CMSS1: variants seen among roughly 807,000 people sequenced by gnomAD.
The protein encoded by CMSS1 is protein CMSS1.
In CMSS1, 33 loss-of-function variants were observed where a neutral mutation model predicts 43.5. That is an observed-to-expected ratio of 0.76 (90% CI 0.57 to 1.01). The LOEUF (loss-of-function observed/expected upper bound fraction) is 1.01. CMSS1 is among the 50% of genes least tolerant of loss of function. The pLI is 0.00. For missense variants in CMSS1, 313 were observed against 326.4 expected, an observed-to-expected ratio of 0.96 and a Z score of 0.32; for synonymous variants, 115 against 117.2, an observed-to-expected ratio of 0.98 and a Z score of 0.12.
At chr3:100,038,699 C>A (rs1043604066) in intron 1 of CMSS1, among the ~76,000 whole-genome samples, 4 of 152,110 alleles carry the variant, frequency 2.6e-5, no homozygotes, top group Non-Finnish European at 4.4e-5. Context: ...CGATCTCAGT[C>A]CATGTCCTAC....
intron 1 of CMSS1, chr3:100,039,882 T>C (rs931423282): frequency 1.3e-5 from 2 of 151,836 alleles, no homozygotes; most frequent in Non-Finnish European, 2.9e-5. Flanking sequence ...GCCTCCCGAG[T>C]AGCTGGGACT....
chr3:99,989,307 G>C (rs1453686159), intron 1 of CMSS1, among the ~76,000 whole-genome samples: 1 of 152,216 alleles, frequency 6.6e-6, no homozygotes, highest in African/African-American at 2.4e-5. Context: ...TTGACTGCAT[G>C]TCTAGGATTC....
rs1317986233 is a variant in CMSS1, at chr3:99,957,454, A to G, written c.64+139411A>G. Among the ~76,000 whole-genome samples, 5 of 151,384 alleles carry G rather than the reference A, an allele frequency of 3.3e-5. No homozygotes were observed. In the East Asian group the frequency reaches 5.8e-4, roughly 18 times the overall value. ...ATTATGTATCTACACATATGTGTGT[A>G]TATATATATAGAGAGAGAGACATGA... On this transcript the variant is annotated intron_variant, in intron 1 of 9. Coordinates refer to ENST00000421999, the MANE Select transcript of CMSS1 (RefSeq NM_032359.4).
intron 1 of CMSS1, among the ~76,000 whole-genome samples, chr3:99,957,236 G>A (rs981449242): frequency 1.3e-5 from 2 of 152,336 alleles, no homozygotes; most frequent in Admixed American, 1.3e-4. Flanking sequence ...ATAAAGCATG[G>A]AAAGTAGTAA....
At chr3:99,936,173 A>G (rs746357173) in intron 1 of CMSS1, among the ~76,000 whole-genome samples, 1 of 152,116 alleles carries the variant, frequency 6.6e-6, no homozygotes, top group Non-Finnish European at 1.5e-5. Flanking sequence ...GCCTCAAAAA[A>G]GAAATCATTT....
At chr3:99,898,222 A>G (rs1338991502) in intron 1 of CMSS1, 1 of 152,200 alleles carries the variant, frequency 6.6e-6, no homozygotes, top group African/African-American at 2.4e-5. Flanking sequence ...AAAAAAGTAT[A>G]TCTTTATATT....
intron 1 of CMSS1, among the ~76,000 whole-genome samples, chr3:100,017,076 A>G (rs1213718568): frequency 6.6e-6 from 1 of 152,226 alleles, no homozygotes; most frequent in African/African-American, 2.4e-5. Flanking sequence ...CTTCATAAAG[A>G]CTTCTATAGC....
intron 1 of CMSS1, among the ~76,000 whole-genome samples, chr3:100,036,269 C>T (rs1433328263): frequency 1.3e-5 from 2 of 152,110 alleles, no homozygotes; most frequent in African/African-American, 4.8e-5. Flanking sequence ...CTAAGAGGAA[C>T]AAAGCCTTCT....
At chr3:99,892,992 T>A (rs1186859451) in intron 1 of CMSS1, among the ~76,000 whole-genome samples, 1 of 152,116 alleles carries the variant, frequency 6.6e-6, no homozygotes, top group Non-Finnish European at 1.5e-5. Context: ...GAATTAGAAG[T>A]GATCAGGACA....
At chr3:100,112,192 A>T (rs75888006) in intron 1 of CMSS1, among the ~76,000 whole-genome samples, 72 of 152,340 alleles carry the variant, frequency 4.7e-4, no homozygotes, top group Non-Finnish European at 9.0e-4. Context: ...AAAAGCTACT[A>T]GCACTTTTTC....
At chr3:100,106,032 T>C (rs746473022) in intron 1 of CMSS1, among the ~76,000 whole-genome samples, 5 of 152,094 alleles carry the variant, frequency 3.3e-5, no homozygotes, top group African/African-American at 1.2e-4. Flanking sequence ...GACAGACAGA[T>C]TATACCTCCT....
At chr3:99,859,511 G>T (rs1025599111) in intron 1 of CMSS1, among the ~76,000 whole-genome samples, 10 of 152,062 alleles carry the variant, frequency 6.6e-5, no homozygotes, top group African/African-American at 2.4e-4. Flanking sequence ...TTTTCTTCCT[G>T]ATTTAATATG....
At chr3:99,901,213 A>C (rs1706425006) in intron 1 of CMSS1, among the ~76,000 whole-genome samples, 1 of 152,238 alleles carries the variant, frequency 6.6e-6, no homozygotes, top group Non-Finnish European at 1.5e-5. Context: ...AGAAAAACAA[A>C]ATGGCTACAC....
At chr3:99,893,163 T>C (rs1706140613) in intron 1 of CMSS1, among the ~76,000 whole-genome samples, 1 of 79,146 alleles carries the variant, frequency 1.3e-5, no homozygotes, top group South Asian at 4.6e-4. Context: ...GCATCTAGAC[T>C]TTTTTTTTTT....
chr3:100,172,139 T>A, intron 7 of CMSS1, 177 bp from the exon 8 acceptor site: 1 of 652,392 alleles, frequency 1.5e-6, no homozygotes, highest in Non-Finnish European at 2.6e-6. Flanking sequence ...TTTGATTCCT[T>A]GAAGATTACC....
chr3:99,911,450 G>T (rs1403986093), intron 1 of CMSS1, among the ~76,000 whole-genome samples: 1 of 151,958 alleles, frequency 6.6e-6, no homozygotes, highest in East Asian at 1.9e-4. Context: ...CAACTTGCCA[G>T]TGGTGGGTTG....
chr3:100,013,560 T>C (rs980628802), intron 1 of CMSS1, among the ~76,000 whole-genome samples: 6 of 152,166 alleles, frequency 3.9e-5, no homozygotes, highest in African/African-American at 1.4e-4. Flanking sequence ...TGAGTTTTAT[T>C]AGATAAAAAG....
intron 1 of CMSS1, among the ~76,000 whole-genome samples, chr3:100,119,067 A>G (rs1271860772): frequency 6.6e-6 from 1 of 152,080 alleles, no homozygotes; most frequent in African/African-American, 2.4e-5. Context: ...TCTTAGTTCT[A>G]TTTTAGTACT....
intron 1 of CMSS1, among the ~76,000 whole-genome samples, chr3:100,115,557 T>TTCTCTCTCTCTCTCTCTCTC (rs1444990340): frequency 2.7e-5 from 2 of 75,256 alleles, no homozygotes; most frequent in South Asian, 4.0e-4. Context: ...CTCTTTCTCT[T>TTCTCTCTCTCTCTCTCTCTC]TCTCTCTCTC....
Sources: gnomAD v4.1 joint callset for allele counts (sites outside exome capture counted in the v4.1 genomes callset) on GRCh38, gnomAD v4.1.1 for gene constraint, MANE v1.5 for transcripts, NCBI Gene and HGNC (gene_info 2026-07-23, HGNC 2026-07-21) for gene names.